The following PEAK1 variants were observed in gnomAD, a reference collection of about 807,000 sequenced individuals.
PEAK1 encodes the protein pseudopodium enriched atypical kinase 1, also known as inactive tyrosine-protein kinase PEAK1.
Under a neutral mutation model 124.7 loss-of-function variants are expected in PEAK1, and 54 were observed. That is an observed-to-expected ratio of 0.43 (90% CI 0.35 to 0.54). The LOEUF is 0.54. PEAK1 is among the 20% of genes least tolerant of loss of function. The pLI is 0.01. For synonymous variants in PEAK1, 719 were observed against 760.0 expected, an observed-to-expected ratio of 0.95 and a Z score of 0.89; for missense variants, 2,046 against 2,134.5, an observed-to-expected ratio of 0.96 and a Z score of 0.82.
intron 8 of PEAK1, among the ~76,000 whole-genome samples, chr15:77,140,908 G>T (rs2053731452): frequency 6.6e-6 from 1 of 151,956 alleles, no homozygotes; most frequent in Non-Finnish European, 1.5e-5. Flanking sequence ...TTGCCATGTT[G>T]CTCAGGCTGG....
At chr15:77,226,920 G>A (rs1294169867) in intron 6 of PEAK1, among the ~76,000 whole-genome samples, 1 of 152,160 alleles carries the variant, frequency 6.6e-6, no homozygotes, top group East Asian at 1.9e-4. Context: ...CATACACTTA[G>A]ATCATGGTAT....
At chr15:77,374,256 A>G (rs1158327814) in intron 1 of PEAK1, among the ~76,000 whole-genome samples, 1 of 152,176 alleles carries the variant, frequency 6.6e-6, no homozygotes, top group African/African-American at 2.4e-5. Flanking sequence ...TATAAATGGC[A>G]TGTCTAATTA....
At position 77,333,684 on chromosome 15, in the gene PEAK1, T is replaced by G. The variant is rs1162416080; in HGVS notation, c.-603+31479A>C. ...TAAGTCAATATTCTTACCACTTTTG[T>G]TTACTAATTCATTCTCCTAATGAAT... On this transcript the variant is annotated intron_variant, in intron 2 of 9. Coordinates refer to ENST00000682557, the MANE Select transcript of PEAK1 (RefSeq NM_001385026.1). 3.1e-6 allele frequency: 3 copies of G among 973,530 alleles called. No homozygotes were observed. The African/African-American group carries it at 5.3e-5, about 17-fold the overall frequency. The allele number at this position is 973,530 out of a possible 1,614,324, so 60.3% of individuals were successfully genotyped here. A position where few individuals can be genotyped will look rare whatever the true frequency, so the allele number is the denominator to read the frequency against.
chr15:77,255,527 C>G, intron 5 of PEAK1: 1 of 276,854 alleles, frequency 3.6e-6, no homozygotes, highest in Non-Finnish European at 5.5e-6. Context: ...AAAATATTCC[C>G]AAAATATGCG....
At chr15:77,223,798 C>G (rs550629501) in intron 6 of PEAK1, among the ~76,000 whole-genome samples, 85 of 151,788 alleles carry the variant, frequency 5.6e-4, no homozygotes, top group African/African-American at 2.0e-3. Flanking sequence ...AAAACAGTAG[C>G]TCTGCCAGAT....
chr15:77,161,879 T>G (rs1165233104), intron 7 of PEAK1, among the ~76,000 whole-genome samples: 3 of 149,366 alleles, frequency 2.0e-5, no homozygotes, highest in African/African-American at 7.4e-5. Context: ...GGCAGGACAA[T>G]TGCTTGAACT....
intron 1 of PEAK1, chr15:77,404,297 T>G: frequency 1.0e-6 from 1 of 985,460 alleles, no homozygotes; most frequent in Non-Finnish European, 1.2e-6. Context: ...GATATTTTAT[T>G]GCATCTTCTG....
intron 1 of PEAK1, chr15:77,403,295 A>T: frequency 1.0e-6 from 1 of 975,740 alleles, no homozygotes; most frequent in South Asian, 4.7e-5. Context: ...GAAGAAAAGC[A>T]GAGACATTTA....
intron 7 of PEAK1, among the ~76,000 whole-genome samples, chr15:77,171,676 G>A (rs2056519584): frequency 6.6e-6 from 1 of 152,098 alleles, no homozygotes; most frequent in Admixed American, 6.6e-5. Flanking sequence ...GCTAGAAGGA[G>A]GATACTGAAT....
intron 1 of PEAK1, among the ~76,000 whole-genome samples, chr15:77,369,655 G>A (rs978121970): frequency 2.0e-5 from 3 of 150,494 alleles, no homozygotes; most frequent in Admixed American, 6.6e-5. Context: ...TCTTTACAGA[G>A]GTCTGCTGAC....
At chr15:77,129,384 G>A (rs1249853936) in intron 9 of PEAK1, among the ~76,000 whole-genome samples, 1 of 151,710 alleles carries the variant, frequency 6.6e-6, no homozygotes, top group African/African-American at 2.4e-5. Flanking sequence ...CAGTGGATTT[G>A]GTATTTAAGG....
intron 1 of PEAK1, among the ~76,000 whole-genome samples, chr15:77,416,165 T>C (rs1395582109): frequency 2.0e-5 from 3 of 152,244 alleles, no homozygotes; most frequent in Admixed American, 1.3e-4. Flanking sequence ...TGACCACTCC[T>C]AGCCCTTGAA....
chr15:77,151,231 T>C (rs1217011318), intron 8 of PEAK1, among the ~76,000 whole-genome samples: 1 of 150,984 alleles, frequency 6.6e-6, no homozygotes, highest in African/African-American at 2.4e-5. Flanking sequence ...GGTATCTCAT[T>C]GCAGTTTTGA....
chr15:77,231,879 C>T (rs1472741212), intron 6 of PEAK1, among the ~76,000 whole-genome samples: 2 of 152,156 alleles, frequency 1.3e-5, no homozygotes, highest in Non-Finnish European at 2.9e-5. Flanking sequence ...TTCCTACACA[C>T]TCATACAAAT....
chr15:77,417,465 G>A (rs2072976368), intron 1 of PEAK1: 2 of 936,226 alleles, frequency 2.1e-6, no homozygotes, highest in Non-Finnish European at 2.5e-6. Flanking sequence ...GGGGCGGGGG[G>A]GGAGGGGGGC....
chr15:77,120,686 C>T (rs1250590409), intron 9 of PEAK1, among the ~76,000 whole-genome samples: 1 of 152,232 alleles, frequency 6.6e-6, no homozygotes, highest in East Asian at 1.9e-4. Context: ...CACATGGCTA[C>T]AGAGCCATTA....
Position 77,217,681 on chromosome 15 carries a change from A to G in PEAK1, c.-115+34686T>C, listed in dbSNP as rs574262527. Among the ~76,000 whole-genome samples the G allele has an allele frequency of 5.3e-5, 8 of 152,320 alleles. No individual in the cohort carries two copies. In the East Asian group the frequency reaches 9.6e-4, roughly 18 times the overall value. On this transcript the variant is annotated intron_variant, in intron 6 of 9. Coordinates refer to ENST00000682557, the MANE Select transcript of PEAK1 (RefSeq NM_001385026.1). ...CAGTTAATAATGTAAAATATACCGCATTGATGTGGTTAAATCCCCAGGACC... is the reference window on the plus strand; with the variant it reads ...CAGTTAATAATGTAAAATATACCGCGTTGATGTGGTTAAATCCCCAGGACC...
At position 77,108,739 on chromosome 15, in the gene PEAK1, C is replaced by G. The variant is rs1238934250; in HGVS notation, c.*5417G>C. ...TAGCAAAATATATGACTCTGTACTT[C>G]TGCTAGGTTAAAAAATGTCCGACCT... On this transcript the variant is annotated 3_prime_UTR_variant, in exon 10 of 10. Transcript: ENST00000682557. 1 of 152,172 alleles carries G rather than the reference C, an allele frequency of 6.6e-6. No individual in the cohort carries two copies. Among genetic ancestry groups the G allele is most frequent in the African/African-American group, 2.4e-5 (1 of 41,422 alleles). 9.4% of individuals were successfully genotyped at this position (152,172 alleles called of 1,614,324 possible).
At chr15:77,185,804 G>A (rs777539686) in intron 6 of PEAK1, among the ~76,000 whole-genome samples, 1 of 152,166 alleles carries the variant, frequency 6.6e-6, no homozygotes, top group Non-Finnish European at 1.5e-5. Flanking sequence ...ATACAGGCCA[G>A]GGTGAGAGGC....
Sources: gnomAD v4.1 joint callset for allele counts (sites outside exome capture counted in the v4.1 genomes callset) on GRCh38, gnomAD v4.1.1 for gene constraint, MANE v1.5 for transcripts, NCBI Gene and HGNC (gene_info 2026-07-23, HGNC 2026-07-21) for gene names.